Variants in ABCC2 observed in about 807,000 individuals in gnomAD.
ABCC2 encodes the protein ATP binding cassette subfamily C member 2.
Under a neutral mutation model 173.4 loss-of-function variants are expected in ABCC2, and 157 were observed. That is an observed-to-expected ratio of 0.91 (90% confidence interval 0.80 to 1.03). The LOEUF (loss-of-function observed/expected upper bound fraction) is 1.03. Among genes scored for constraint, ABCC2 ranks in the 50% least tolerant of loss-of-function variants. The probability of loss-of-function intolerance (pLI) is 0.00; values close to 1 mark genes in which losing one functional copy is unlikely to be tolerated. For missense variants in ABCC2, 1,822 were observed against 1,852.3 expected (o/e 0.98, Z 0.30); for synonymous variants, 657 against 693.5 (o/e 0.95, Z 0.83).
intron 13 of ABCC2, among the ~76,000 whole-genome samples, 186 bp from the exon 14 acceptor site, chr10:99,809,948 G>T (rs2038180604): frequency 6.6e-6 from 1 of 152,240 alleles, no homozygotes; most frequent in South Asian, 2.1e-4. Context: ...GTTTGCTCAA[G>T]GACTGAAATA....
At chr10:99,836,612 T>C (rs1436835921) in intron 25 of ABCC2, among the ~76,000 whole-genome samples, 1 of 152,248 alleles carries the variant, frequency 6.6e-6, no homozygotes, top group Non-Finnish European at 1.5e-5. Flanking sequence ...AAATGACATT[T>C]GTGAGCATTT....
intron 3 of ABCC2, 37 bp downstream of exon 3, chr10:99,792,396 C>T (rs17216359): frequency 6.2e-7 from 1 of 1,611,046 alleles, no homozygotes; most frequent in Non-Finnish European, 8.5e-7. Context: ...TTTACCTTTT[C>T]ATTACCCATA....
chr10:99,830,245 T>C, intron 19 of ABCC2, 62 bp from the exon 20 acceptor site: 1 of 1,610,364 alleles, frequency 6.2e-7, no homozygotes, highest in South Asian at 1.1e-5. Flanking sequence ...TCTCTCTCCT[T>C]GTTCATAGGA....
Position 99,782,644 on chromosome 10 carries a change from A to C in ABCC2, c.-201A>C, listed in dbSNP as rs2037634663. 1 of 631,568 alleles carries C rather than the reference A, an allele frequency of 1.6e-6. No homozygotes were observed. The allele number at this position is 631,568 out of a possible 1,614,324, so 39.1% of individuals were successfully genotyped here. A position where few individuals can be genotyped will look rare whatever the true frequency, so the allele number is the denominator to read the frequency against. On this transcript the variant is annotated 5_prime_UTR_variant, in exon 1 of 32. Transcript: ENST00000647814. The stretch of plus-strand genomic sequence containing the variant: ...TCCCTGTCCCTAGGGCTTTTTAGTC[A>C]CATGTCCATCCACTGTTTCAATGTA...
chr10:99,844,498 G>A lies in ABCC2; in HGVS notation c.3987+33G>A, dbSNP rs780480145. On this transcript the variant is annotated intron_variant, in intron 28 of 31. Coordinates refer to ENST00000647814, the MANE Select transcript of ABCC2 (RefSeq NM_000392.5). ...GAGTGAAGGAAGGCCTGGATGGGAG[G>A]CCTTGTGATCAAACAACAATTGGAC... 4 of 1,609,126 alleles carry A rather than the reference G, an allele frequency of 2.5e-6. No homozygotes were observed. The South Asian group carries it at 4.4e-5, about 18-fold the overall frequency.
chr10:99,844,023 T>TGAGTTAGAGGAAAGGAAA, intron 27 of ABCC2, 123 bp downstream of exon 27: 1 of 932,082 alleles, frequency 1.1e-6, no homozygotes. Flanking sequence ...AAGTTTCCTT[T>TGAGTTAGAGGAAAGGAAA]CCTCTAACTC....
chr10:99,784,215 C>A (rs1283250130), intron 1 of ABCC2, among the ~76,000 whole-genome samples: 1 of 152,050 alleles, frequency 6.6e-6, no homozygotes, highest in Non-Finnish European at 1.5e-5. Flanking sequence ...TGAATATCTG[C>A]CAGTGAGTTC....
chr10:99,836,010 C>T, intron 24 of ABCC2, 81 bp from the exon 25 acceptor site: 1 of 1,402,000 alleles, frequency 7.1e-7, no homozygotes, highest in Non-Finnish European at 1.0e-6. Flanking sequence ...GGGAAGAATG[C>T]TGGGTTGTGG....
intron 30 of ABCC2, among the ~76,000 whole-genome samples, chr10:99,847,547 G>A (rs2039035615): frequency 6.6e-6 from 1 of 151,782 alleles, no homozygotes; most frequent in African/African-American, 2.4e-5. Flanking sequence ...AGGTTGCAGT[G>A]AGCCGAGATT....
chr10:99,817,424 T>C lies in ABCC2; in HGVS notation c.2211T>C (p.Cys737=). The C allele has an allele frequency of 6.2e-7, 1 of 1,614,164 alleles. No homozygotes were observed. The highest frequency in any genetic ancestry group is 8.5e-7 in the Non-Finnish European group (1 of 1,180,028). The change falls in exon 17 of 32, where the codon TGT becomes TGC. Residue 737 remains cysteine (C), a synonymous_variant. Coordinates refer to ENST00000647814, the MANE Select transcript of ABCC2 (RefSeq NM_000392.5). ...EKRYQQVLEA[C]ALLPDLEMLP... ...GGTACCAGCAAGTACTGGAGGCCTGTGCTCTCCTCCCAGACTTGGAAATGC... is the reference window on the plus strand; with the variant it reads ...GGTACCAGCAAGTACTGGAGGCCTGCGCTCTCCTCCCAGACTTGGAAATGC...
At position 99,804,019 on chromosome 10, in the gene ABCC2, G is replaced by T. The variant is rs749829232; in HGVS notation, c.1210G>T (p.Ala404Ser). Residue 404 changes from alanine to serine, a missense_variant and splice_region_variant, in exon 10 of 32, where the codon GCA becomes TCA. Transcript: ENST00000647814. ...TCCTAATTTCAATCCTTATCTTTAGGCATTGACCCTATCCAACTTGGCCAG... is the reference window on the plus strand; with the variant it reads ...TCCTAATTTCAATCCTTATCTTTAGTCATTGACCCTATCCAACTTGGCCAG... ...TAIMASVYKK[A>S]LTLSNLARKE... 1.9e-6 allele frequency: 3 copies of T among 1,613,964 alleles called. No individual in the cohort carries two copies. Among genetic ancestry groups the T allele is most frequent in the South Asian group, 2.2e-5 (2 of 91,064 alleles).
At chr10:99,790,008 G>A (rs4148388) in intron 2 of ABCC2, among the ~76,000 whole-genome samples, 88,110 of 151,966 alleles carry the variant, frequency 0.58, 25,822 homozygotes, top group East Asian at 0.77. Context: ...TATGTGTCCT[G>A]TATGACATGA....
At chr10:99,828,927 T>G (rs1460748803) in intron 19 of ABCC2, among the ~76,000 whole-genome samples, 1 of 151,462 alleles carries the variant, frequency 6.6e-6, no homozygotes, top group Non-Finnish European at 1.5e-5. Flanking sequence ...CAGCTCTGCA[T>G]GTGTAGGTGG....
chr10:99,787,529 G>A (rs2037737394), intron 2 of ABCC2, among the ~76,000 whole-genome samples: 1 of 152,134 alleles, frequency 6.6e-6, no homozygotes, highest in Admixed American at 6.5e-5. Flanking sequence ...GTGTGTTAAA[G>A]TGCATGTCCT....
At chr10:99,796,021 T>C (rs2037905909) in intron 6 of ABCC2, among the ~76,000 whole-genome samples, 1 of 151,996 alleles carries the variant, frequency 6.6e-6, no homozygotes, top group African/African-American at 2.4e-5. Flanking sequence ...ATATAATTTA[T>C]TTTCCATCCA....
chr10:99,843,789 T>A lies in ABCC2; in HGVS notation c.3742-10T>A. ...CTATGATGATTTTCAGTCTTCTGGTTTTTCTGTAGATCACACAAACCCTGA... is the reference window on the plus strand; with the variant it reads ...CTATGATGATTTTCAGTCTTCTGGTATTTCTGTAGATCACACAAACCCTGA... On this transcript the variant is annotated splice_polypyrimidine_tract_variant and intron_variant, in intron 26 of 31. Coordinates refer to ENST00000647814, the MANE Select transcript of ABCC2 (RefSeq NM_000392.5). The A allele has an allele frequency of 1.2e-6, 2 of 1,612,250 alleles. No homozygotes were observed. The highest frequency in any genetic ancestry group is 2.7e-5 in the African/African-American group (2 of 75,006).
chr10:99,852,338 G>C lies in ABCC2; in HGVS notation c.*707G>C, dbSNP rs1220474424. On this transcript the variant is annotated 3_prime_UTR_variant, in exon 32 of 32. Transcript: ENST00000647814. Reference sequence around the variant, plus strand: ...CTGAAAACATTGCTGTCAATCTGATGAATATGAATTGATGTATCAATGAGA... The same window carrying C: ...CTGAAAACATTGCTGTCAATCTGATCAATATGAATTGATGTATCAATGAGA... 1 of 152,224 alleles carries C rather than the reference G, an allele frequency of 6.6e-6. No individual in the cohort carries two copies. Among genetic ancestry groups the C allele is most frequent in the African/African-American group, 2.4e-5 (1 of 41,434 alleles). 9.4% of individuals were successfully genotyped at this position (152,224 alleles called of 1,614,324 possible).
At chr10:99,793,825 T>C (rs994058237) in intron 4 of ABCC2, 67 bp from the exon 5 acceptor site, 9 of 1,565,616 alleles carry the variant, frequency 5.7e-6, no homozygotes, top group Middle Eastern at 1.7e-4. Context: ...AGCATTGATA[T>C]ATACGGGCCA....
Position 99,804,258 on chromosome 10 carries a change from G to C in ABCC2, c.1449G>C (p.Lys483Asn). ...VIPINAILST[K>N]SKTIQVKNMK... is the part of the protein sequence containing the mutation. ...CAATTAATGCGATACTGTCCACCAA[G>C]AGTAAGACCATTCAGGTAAAGAAAA... The change falls in exon 10 of 32, where the codon AAG (lysine) becomes AAC (asparagine). Residue 483 changes from lysine (K) to asparagine (N), a missense_variant. Transcript: ENST00000647814. 1 of 1,614,134 alleles carries C rather than the reference G, an allele frequency of 6.2e-7. No individual in the cohort carries two copies. Among genetic ancestry groups the C allele is most frequent in the Non-Finnish European group, 8.5e-7 (1 of 1,180,006 alleles).
Sources: allele counts gnomAD v4.1 joint callset (sites outside exome capture counted in the v4.1 genomes callset), GRCh38; gene constraint gnomAD v4.1.1; transcripts MANE v1.5; gene names NCBI Gene and HGNC (gene_info 2026-07-23, HGNC 2026-07-21).